CARM1: variants seen among roughly 807,000 people sequenced by gnomAD.
The protein encoded by CARM1 is coactivator associated arginine methyltransferase 1.
A neutral mutation model predicts 72.7 loss-of-function variants in CARM1; 14 were observed. The ratio of observed to expected loss-of-function variants is 0.19; its 90% CI spans 0.13 to 0.30. CARM1 has a LOEUF of 0.30. CARM1 is among the 10% of genes least tolerant of loss of function. The pLI, the probability that CARM1 is intolerant of heterozygous loss-of-function variation, is 1.00. For missense variants in CARM1, 432 were observed against 833.7 expected (o/e 0.52, Z 5.93); for synonymous variants, 333 against 345.5 (o/e 0.96, Z 0.40).
chr19:10,915,924 G>C lies in CARM1; in HGVS notation c.848-483G>C, dbSNP rs1025099399. ...GAACCTAGGCAGTCCCTGTGGTGTG[G>C]ATTTGGCTTCCCCCACCTGGCTCTT... On this transcript the variant is annotated intron_variant, in intron 6 of 15. Transcript: ENST00000327064. This position sits in a 1 kb window ranked among gnomAD's most constrained non-coding sequence, Gnocchi z 4.6. Among the ~76,000 whole-genome samples, 2 of 152,226 alleles carry C rather than the reference G, an allele frequency of 1.3e-5. No homozygotes were observed. Among genetic ancestry groups the C allele is most frequent in the Non-Finnish European group, 2.9e-5 (2 of 68,030 alleles).
chr19:10,885,899 T>TTC, intron 1 of CARM1, among the ~76,000 whole-genome samples: 1 of 148,830 alleles, frequency 6.7e-6, no homozygotes, highest in South Asian at 2.1e-4. Flanking sequence ...TTTTTTTTTT[T>TTC]TTTTTTTTTT....
chr19:10,887,470 T>A (rs572725460), intron 1 of CARM1, among the ~76,000 whole-genome samples: 2 of 152,338 alleles, frequency 1.3e-5, no homozygotes, highest in Admixed American at 1.3e-4. Flanking sequence ...CATACTGTTC[T>A]CTGAGCCTTG....
At position 10,920,639 on chromosome 19, in the gene CARM1, G is replaced by C. The variant is rs547674337; in HGVS notation, c.1335-20G>C. On this transcript the variant is annotated intron_variant, in intron 11 of 15. Coordinates refer to ENST00000327064, the MANE Select transcript of CARM1 (RefSeq NM_199141.2). The surrounding 1 kb of genome is among the most constrained non-coding windows in gnomAD (Gnocchi z 5.3). ...CCATCTGCCCAGCAGCTCATGCCAC[G>C]GCCTGCACCCTGTCCGCAGACAGAG... 3 of 1,614,094 alleles carry C rather than the reference G, an allele frequency of 1.9e-6. No homozygotes were observed. In the South Asian group the frequency reaches 3.3e-5, roughly 18 times the overall value.
intron 1 of CARM1, among the ~76,000 whole-genome samples, chr19:10,903,187 T>A (rs1002315821): frequency 6.6e-6 from 1 of 152,254 alleles, no homozygotes; most frequent in African/African-American, 2.4e-5. Context: ...TAAGGGTTTA[T>A]TTCTGGACTC....
chr19:10,879,758 T>C (rs1261220526), intron 1 of CARM1, among the ~76,000 whole-genome samples: 1 of 152,156 alleles, frequency 6.6e-6, no homozygotes, highest in Non-Finnish European at 1.5e-5. Context: ...GGATTATAAG[T>C]GCGTGCAACC....
At chr19:10,893,378 C>T (rs1272678264) in intron 1 of CARM1, among the ~76,000 whole-genome samples, 17 of 151,416 alleles carry the variant, frequency 1.1e-4, no homozygotes, top group Non-Finnish European at 2.4e-4. Flanking sequence ...TTACTCTCTC[C>T]CCCAGGTTGG....
At position 10,905,089 on chromosome 19, in the gene CARM1, C is replaced by T. The variant is rs936658018; in HGVS notation, c.346+13C>T. ...GCCACACCCAACGGTACGTGGCCCT[C>T]CTTCCATTCCGGTGACACCAGCCCA... On this transcript the variant is annotated intron_variant, in intron 2 of 15. Transcript: ENST00000327064. 2.5e-6 allele frequency: 4 copies of T among 1,611,992 alleles called. No homozygotes were observed. The highest frequency in any genetic ancestry group is 2.2e-5 in the East Asian group (1 of 44,848).
intron 8 of CARM1, among the ~76,000 whole-genome samples, chr19:10,917,334 A>G (rs2074205709): frequency 2.0e-5 from 3 of 152,024 alleles, no homozygotes; most frequent in South Asian, 2.1e-4. Context: ...AAAATTAGCC[A>G]GACGTGGTGG....
rs540538490 is a variant in CARM1 at position 10,888,179 on chromosome 19, TAGCACCAGGAAGC to T, written c.220+16260_220+16272del. Among the ~76,000 whole-genome samples the T allele has an allele frequency of 1.7e-4, 26 of 152,282 alleles. No individual in the cohort carries two copies. The South Asian group carries it at 5.2e-3, about 30-fold the overall frequency. Reference sequence around the variant, plus strand: ...GTGTCACAATGTGACAGACCCTCTTTAGCACCAGGAAGCAGGCTTGATTGCCTCCTTGTAGTGG... The same window carrying T: ...GTGTCACAATGTGACAGACCCTCTTTAGGCTTGATTGCCTCCTTGTAGTGG... On this transcript the variant is annotated intron_variant, in intron 1 of 15. Transcript: ENST00000327064.
rs547051025 is a variant in CARM1 at position 10,915,989 on chromosome 19, G to A, written c.848-418G>A. ...TCCCCAGCGGCGTTGGGGTAGCCCG[G>A]GGCCCACCACCCTCCCTCTGTCCAG... On this transcript the variant is annotated intron_variant, in intron 6 of 15. Transcript: ENST00000327064. The surrounding 1 kb of genome is among the most constrained non-coding windows in gnomAD (Gnocchi z 4.6). 7.2e-5 allele frequency among the ~76,000 whole-genome samples: 11 copies of A among 152,310 alleles called. No homozygotes were observed. In the South Asian group the frequency reaches 2.3e-3, roughly 32 times the overall value.
At chr19:10,917,432 G>A (rs1019382659) in intron 8 of CARM1, among the ~76,000 whole-genome samples, 7 of 151,918 alleles carry the variant, frequency 4.6e-5, no homozygotes, top group Middle Eastern at 3.4e-3. Flanking sequence ...AGCCGAGATC[G>A]CACCACTGCA....
Position 10,912,302 on chromosome 19 carries a change from G to T in CARM1, c.669+8G>T. The T allele has an allele frequency of 1.3e-6, 2 of 1,593,568 alleles. No homozygotes were observed. Among genetic ancestry groups the T allele is most frequent in the Non-Finnish European group, 1.7e-6 (2 of 1,161,830 alleles). Reference sequence around the variant, plus strand: ...ATGGCCCAGCACGCTGAGGTCAGTGGCCCGCTGGTGCCCACCCAGCCTCGT... The same window carrying T: ...ATGGCCCAGCACGCTGAGGTCAGTGTCCCGCTGGTGCCCACCCAGCCTCGT... On this transcript the variant is annotated splice_region_variant and intron_variant, in intron 5 of 15. Coordinates refer to ENST00000327064, the MANE Select transcript of CARM1 (RefSeq NM_199141.2). The surrounding 1 kb of genome is among the most constrained non-coding windows in gnomAD (Gnocchi z 4.5).
intron 1 of CARM1, among the ~76,000 whole-genome samples, chr19:10,874,858 C>CTTT (rs981867705): frequency 2.6e-5 from 4 of 152,062 alleles, no homozygotes; most frequent in African/African-American, 7.2e-5. Context: ...CTCGTCTCTG[C>CTTT]TAAAAATGCA....
chr19:10,919,237 G>A (rs1018948672), intron 8 of CARM1: 7 of 208,276 alleles, frequency 3.4e-5, no homozygotes, highest in South Asian at 1.3e-4. Context: ...TCTCACGTCC[G>A]CATGGTCTTT....
In CARM1 at chr19:10,920,024, C is replaced by G. The variant is rs1180968096; in HGVS notation, c.1196+58C>G. 3 of 1,355,196 alleles carry G rather than the reference C, an allele frequency of 2.2e-6. No individual in the cohort carries two copies. In the East Asian group the frequency reaches 6.9e-5, roughly 31 times the overall value. The allele number at this position is 1,355,196 out of a possible 1,614,324, so 83.9% of individuals were successfully genotyped here. A position where few individuals can be genotyped will look rare whatever the true frequency, so the allele number is the denominator to read the frequency against. On this transcript the variant is annotated intron_variant, in intron 10 of 15. Transcript: ENST00000327064. The surrounding 1 kb of genome is among the most constrained non-coding windows in gnomAD (Gnocchi z 5.3). ...TCCCCACTCCCAGGGCTTCCTGCAG[C>G]TGCAACCTGGCTGGGGGGGTGGAAC...
intron 5 of CARM1, 48 bp from the exon 6 acceptor site, chr19:10,913,829 C>T: frequency 1.3e-6 from 2 of 1,580,054 alleles, no homozygotes; most frequent in Non-Finnish European, 1.7e-6. Context: ...GGGAGGGCCC[C>T]ATGGCAGGAA....
chr19:10,895,297 G>A (rs2074016235), intron 1 of CARM1, among the ~76,000 whole-genome samples: 1 of 152,122 alleles, frequency 6.6e-6, no homozygotes, highest in African/African-American at 2.4e-5. Flanking sequence ...TAGAGATGAG[G>A]TTTCACCATG....
chr19:10,877,822 G>A (rs1169792423), intron 1 of CARM1, among the ~76,000 whole-genome samples: 1 of 152,148 alleles, frequency 6.6e-6, no homozygotes, highest in Non-Finnish European at 1.5e-5. Context: ...CTGCCTCCCA[G>A]GTTCAAGCGA....
chr19:10,874,867 C>G (rs2073851124), intron 1 of CARM1, among the ~76,000 whole-genome samples: 1 of 152,038 alleles, frequency 6.6e-6, no homozygotes, highest in Non-Finnish European at 1.5e-5. Flanking sequence ...GCTAAAAATG[C>G]AAAAATTAGC....
Sources: allele counts gnomAD v4.1 joint callset (sites outside exome capture counted in the v4.1 genomes callset), GRCh38; gene constraint gnomAD v4.1.1; non-coding constraint Gnocchi (gnomAD v3.1); transcripts MANE v1.5; gene names NCBI Gene and HGNC (gene_info 2026-07-23, HGNC 2026-07-21).